Variants in SLC38A12 observed in about 807,000 individuals in gnomAD.
SLC38A12 encodes putative sodium-coupled neutral amino acid transporter 12.
chr17:74,800,670 A>T, the SLC38A12 span, among the ~76,000 whole-genome samples: 1 of 152,266 alleles, frequency 6.6e-6, no homozygotes, highest in Non-Finnish European at 1.5e-5. Context: ...CTCTGGGGAC[A>T]CTGTGCCGCC....
chr17:74,839,387 G>A, the SLC38A12 span: 1 of 415,466 alleles, frequency 2.4e-6, no homozygotes, highest in East Asian at 4.4e-5. Flanking sequence ...GTGGCTGGCA[G>A]TGCCAGGCCT....
chr17:74,796,019 C>T, the SLC38A12 span, among the ~76,000 whole-genome samples: 4 of 152,196 alleles, frequency 2.6e-5, no homozygotes, highest in Non-Finnish European at 2.9e-5. Flanking sequence ...AGCCCAAGAG[C>T]ATATGGTTCG....
chr17:74,837,248 G>A, the SLC38A12 span: 10 of 985,674 alleles, frequency 1.0e-5, no homozygotes, highest in Non-Finnish European at 1.2e-5. Flanking sequence ...ACCTCAGAGA[G>A]GGCCTGGCTG....
the SLC38A12 span, chr17:74,836,847 A>C: frequency 3.6e-6 from 5 of 1,372,834 alleles, no homozygotes; most frequent in South Asian, 3.6e-5. This position sits in a 1 kb window ranked among gnomAD's most constrained non-coding sequence, Gnocchi z 4.2. Context: ...CTCCCCACCC[A>C]CCTTCCACCC....
At chr17:74,789,173 A>T in the SLC38A12 span, among the ~76,000 whole-genome samples, 1 of 152,058 alleles carries the variant, frequency 6.6e-6, no homozygotes, top group Non-Finnish European at 1.5e-5. Context: ...CGTCTCTGCC[A>T]CCTCTAATGG....
the SLC38A12 span, among the ~76,000 whole-genome samples, chr17:74,804,754 A>T: frequency 6.6e-6 from 1 of 152,210 alleles, no homozygotes; most frequent in Non-Finnish European, 1.5e-5. Flanking sequence ...TGGGAAGAGA[A>T]TGCAGGGACT....
the SLC38A12 span, among the ~76,000 whole-genome samples, chr17:74,796,968 C>CT: frequency 6.6e-6 from 1 of 152,090 alleles, no homozygotes. Context: ...GGTAGATGGG[C>CT]AGAAGGAGGG....
At chr17:74,815,836 G>A in the SLC38A12 span, among the ~76,000 whole-genome samples, 11 of 152,332 alleles carry the variant, frequency 7.2e-5, no homozygotes, top group Admixed American at 7.2e-4. Context: ...CACTCCAAGA[G>A]GAAAGTGGAG....
chr17:74,783,721 C>CT, the SLC38A12 span, among the ~76,000 whole-genome samples: 1,678 of 103,936 alleles, frequency 0.016, 133 homozygotes, highest in African/African-American at 0.03. Flanking sequence ...CATGCTTTTT[C>CT]TTTTTTTTTT....
chr17:74,819,743 C>A, the SLC38A12 span: 2 of 1,613,894 alleles, frequency 1.2e-6, no homozygotes, highest in Non-Finnish European at 1.7e-6. Flanking sequence ...TTGTTTCCAT[C>A]CCCCAGGCGA....
the SLC38A12 span, among the ~76,000 whole-genome samples, chr17:74,780,451 A>G: frequency 6.6e-6 from 1 of 152,136 alleles, no homozygotes; most frequent in African/African-American, 2.4e-5. Flanking sequence ...TCAGTTTAGA[A>G]TGCATGCATT....
chr17:74,784,813 C>T, the SLC38A12 span, among the ~76,000 whole-genome samples: 22 of 151,832 alleles, frequency 1.4e-4, no homozygotes, highest in Non-Finnish European at 2.8e-4. Context: ...GGGGAGTGGC[C>T]GCTAATGGAA....
the SLC38A12 span, among the ~76,000 whole-genome samples, chr17:74,792,276 C>T: frequency 6.6e-6 from 1 of 152,116 alleles, no homozygotes; most frequent in Non-Finnish European, 1.5e-5. Context: ...CATGGTGAAA[C>T]CCCATCTCAA....
chr17:74,794,974 C>T, the SLC38A12 span: 2 of 1,551,696 alleles, frequency 1.3e-6, no homozygotes, highest in East Asian at 2.2e-5. Flanking sequence ...GCAGACATCT[C>T]TTTGTGGCTC....
chr17:74,782,792 T>C, the SLC38A12 span, among the ~76,000 whole-genome samples: 1 of 152,190 alleles, frequency 6.6e-6, no homozygotes. Flanking sequence ...AGGAAGATGA[T>C]TCAAACTTGT....
the SLC38A12 span, chr17:74,795,617 C>G: frequency 6.2e-7 from 1 of 1,613,494 alleles, no homozygotes; most frequent in Non-Finnish European, 8.5e-7. Context: ...GAGTGGACGC[C>G]TACCGCATCT....
At chr17:74,797,629 G>T in the SLC38A12 span, among the ~76,000 whole-genome samples, 1 of 152,190 alleles carries the variant, frequency 6.6e-6, no homozygotes. Context: ...TTTGCATGTG[G>T]CTCCCAGGGT....
the SLC38A12 span, among the ~76,000 whole-genome samples, chr17:74,780,096 G>C: frequency 3.5e-4 from 54 of 152,332 alleles, no homozygotes; most frequent in African/African-American, 1.3e-3. Context: ...CCGACAGAAG[G>C]GTCGGCCGCT....
chr17:74,791,672 C>G, the SLC38A12 span, among the ~76,000 whole-genome samples: 1 of 152,352 alleles, frequency 6.6e-6, no homozygotes, highest in Non-Finnish European at 1.5e-5. Context: ...GCGCTAGGAG[C>G]CCACACCCAG....
Sources: gnomAD v4.1 joint callset for allele counts (sites outside exome capture counted in the v4.1 genomes callset) on GRCh38, gnomAD v4.1.1 for gene constraint, Gnocchi (gnomAD v3.1) non-coding constraint, MANE v1.5 for transcripts, NCBI Gene and HGNC (gene_info 2026-07-23, HGNC 2026-07-21) for gene names.